The following ZNF786 variants were observed in gnomAD, a reference collection of about 807,000 sequenced individuals.
ZNF786 encodes zinc finger protein 786.
Under a neutral mutation model 63.1 loss-of-function variants are expected in ZNF786, and 56 were observed. That is an observed-to-expected ratio of 0.89 (90% CI 0.72 to 1.11). The LOEUF is 1.11. Among genes scored for constraint, ZNF786 ranks in the 50% least tolerant of loss-of-function variants. The pLI, the probability that ZNF786 is intolerant of heterozygous loss-of-function variation, is 0.00. For synonymous variants in ZNF786, 485 were observed against 406.9 expected (o/e 1.19, Z -2.31); for missense variants, 1,213 against 1,041.8 (o/e 1.16, Z -2.26).
At chr7:149,082,926 C>T (rs1825675948) in intron 1 of ZNF786, among the ~76,000 whole-genome samples, 1 of 150,126 alleles carries the variant, frequency 6.7e-6, no homozygotes, top group African/African-American at 2.5e-5. Context: ...GACGGAGTCT[C>T]ACTCTGTTGC....
At chr7:149,074,645 G>T in intron 2 of ZNF786, 107 bp from the exon 3 acceptor site, 26 of 1,090,526 alleles carry the variant, frequency 2.4e-5, no homozygotes, top group South Asian at 4.3e-5. Flanking sequence ...AGAACAACAT[G>T]TCAAAAAAAA....
intron 2 of ZNF786, among the ~76,000 whole-genome samples, chr7:149,077,602 T>G (rs1264393883): frequency 6.6e-6 from 1 of 152,062 alleles, no homozygotes; most frequent in African/African-American, 2.4e-5. Context: ...CACTCCAGCC[T>G]GGGCGACAGA....
chr7:149,079,648 GC>G (rs1825619010), intron 2 of ZNF786, among the ~76,000 whole-genome samples: 1 of 136,998 alleles, frequency 7.3e-6, no homozygotes, highest in African/African-American at 2.7e-5. Context: ...TCAGCTCACT[GC>G]AACCCCCGCC....
rs551832035 is a variant in ZNF786 at position 149,086,623 on chromosome 7, GTC to G, written c.18+3998_18+3999del. ...AGCGTGGGTGACAGAGCGACACTCT[GTC>G]TCACACACACACACACACACACACA... On this transcript the variant is annotated intron_variant, in intron 1 of 3. Transcript: ENST00000491431. 2.6e-3 allele frequency among the ~76,000 whole-genome samples: 264 copies of G among 102,962 alleles called. 1 individual carries two copies. The highest frequency in any genetic ancestry group is 8.1e-3 in the African/African-American group (241 of 29,642). The allele number at this position is 102,962 out of a possible 152,430, so 67.5% of individuals were successfully genotyped here.
chr7:149,086,006 A>G (rs1825730322), intron 1 of ZNF786, among the ~76,000 whole-genome samples: 1 of 152,224 alleles, frequency 6.6e-6, no homozygotes, highest in Non-Finnish European at 1.5e-5. Context: ...TTTTCTACAT[A>G]TAGAATCATA....
intron 1 of ZNF786, 89 bp downstream of exon 1, chr7:149,090,534 C>T: frequency 7.3e-7 from 1 of 1,370,152 alleles, no homozygotes; most frequent in Non-Finnish European, 9.6e-7. Context: ...CGCGCGCACT[C>T]ACGGGGACCC....
rs1466820637 is a variant in ZNF786, at chr7:149,072,252, G to C, written c.520C>G (p.Pro174Ala). 2.5e-6 allele frequency: 4 copies of C among 1,613,548 alleles called. No individual in the cohort carries two copies. The South Asian group carries it at 3.3e-5, about 13-fold the overall frequency. ...GIPGPRNLDL[P>A]GLWDVPAWES... ...CAGGCGGGGACGTCCCACAAACCAG[G>C]AAGATCCAGATTTCTGGGACCTGGG... Residue 174 changes from proline to alanine, a missense_variant, in exon 4 of 4, where the codon CCT becomes GCT. By Grantham distance (27) the Pro-to-Ala change is conservative. Coordinates refer to ENST00000491431, the MANE Select transcript of ZNF786 (RefSeq NM_152411.4).
intron 2 of ZNF786, among the ~76,000 whole-genome samples, chr7:149,079,910 C>G (rs1260385071): frequency 6.6e-6 from 1 of 150,466 alleles, no homozygotes; most frequent in African/African-American, 2.4e-5. Context: ...CGTAGTGGCT[C>G]ACGCCTGTAA....
rs1825445570 is a variant in ZNF786, at chr7:149,072,359, AG to A, written c.412del (p.Leu138SerfsTer15). On this transcript the variant is annotated frameshift_variant, in exon 4 of 4. Coordinates refer to ENST00000491431, the MANE Select transcript of ZNF786 (RefSeq NM_152411.4). LOFTEE classifies it high-confidence loss of function. ...GGCGTCGTGTCTCTGTGGGCTCCCG[AG>A]GGTGATGCCTTGGTCAGGCCTGAAG... is the stretch of plus-strand genomic sequence containing the variant. ...VSFRPDQGITLGSPQRHDARA... is the reference protein window; with the variant it reads ...VSFRPDQGITXGSPQRHDARA... 1 of 1,613,466 alleles carries A rather than the reference AG, an allele frequency of 6.2e-7. No homozygotes were observed. The highest frequency in any genetic ancestry group is 8.5e-7 in the Non-Finnish European group (1 of 1,179,762).
intron 3 of ZNF786, 109 bp downstream of exon 3, chr7:149,074,277 T>TAA (rs1825501457): frequency 1.6e-6 from 2 of 1,265,700 alleles, no homozygotes; most frequent in Middle Eastern, 1.9e-4. Flanking sequence ...ATCTAGAAGA[T>TAA]AAGAGTCTTC....
intron 2 of ZNF786, among the ~76,000 whole-genome samples, chr7:149,077,355 T>C (rs551875375): frequency 1.4e-4 from 22 of 152,236 alleles, no homozygotes; most frequent in Middle Eastern, 3.4e-3. Flanking sequence ...TGGCCAGGCG[T>C]GGTGACTCAC....
At position 149,071,758 on chromosome 7, in the gene ZNF786, C is replaced by A; in HGVS notation, c.1014G>T (p.Ser338=). ...EGRGASSSVH[S]GQKPGSRLPQ... is the part of the protein sequence containing the mutation. ...GCAGGCGCGAGCCTGGTTTCTGTCC[C>A]GAGTGCACACTGCTGGAGGCCCCGC... Residue 338 remains serine (S), a synonymous_variant, in exon 4 of 4, where the codon TCG becomes TCT. Coordinates refer to ENST00000491431, the MANE Select transcript of ZNF786 (RefSeq NM_152411.4). The A allele has an allele frequency of 1.3e-6, 2 of 1,588,202 alleles. No homozygotes were observed. Among genetic ancestry groups the A allele is most frequent in the Non-Finnish European group, 1.7e-6 (2 of 1,174,248 alleles).
intron 2 of ZNF786, 136 bp downstream of exon 2, chr7:149,080,455 A>G: frequency 1.3e-6 from 1 of 794,078 alleles, no homozygotes; most frequent in Non-Finnish European, 1.8e-6. Flanking sequence ...TATTAACAAT[A>G]GATTGCAGGG....
At position 149,071,719 on chromosome 7, in the gene ZNF786, G is replaced by A. The variant is rs1416722763; in HGVS notation, c.1053C>T (p.Asn351=). ...CCTCCGTGTCCCCTTCCTGGTGGCTGTTCCCCTCCTGGGGCAGGCGCGAGC... is the reference window on the plus strand; with the variant it reads ...CCTCCGTGTCCCCTTCCTGGTGGCTATTCCCCTCCTGGGGCAGGCGCGAGC... ...KPGSRLPQEG[N]SHQEGDTEAL... Residue 351 remains asparagine, a synonymous_variant, in exon 4 of 4, where the codon AAC becomes AAT. Transcript: ENST00000491431. The A allele has an allele frequency of 3.2e-6, 5 of 1,582,778 alleles. No individual in the cohort carries two copies. In the South Asian group the frequency reaches 3.4e-5, roughly 11 times the overall value.
rs768869190 is a variant in ZNF786 at position 149,071,105 on chromosome 7, T to C, written c.1667A>G (p.Gln556Arg). ...CGGCCTCTCCTTGCTGTGCGTGTGCTGGTGGGCCTTCAGGATGCCCTTCAG... is the reference window on the plus strand; with the variant it reads ...CGGCCTCTCCTTGCTGTGCGTGTGCCGGTGGGCCTTCAGGATGCCCTTCAG... ...FRLKGILKAHQHTHSKERPFS... is the reference protein window; with the variant it reads ...FRLKGILKAHRHTHSKERPFS... Residue 556 changes from glutamine to arginine, a missense_variant, in exon 4 of 4, where the codon CAG becomes CGG. Coordinates refer to ENST00000491431, the MANE Select transcript of ZNF786 (RefSeq NM_152411.4). The C allele has an allele frequency of 6.2e-7, 1 of 1,611,050 alleles. No individual in the cohort carries two copies. The highest frequency in any genetic ancestry group is 8.5e-7 in the Non-Finnish European group (1 of 1,178,992).
At chr7:149,088,498 A>C (rs538151812) in intron 1 of ZNF786, among the ~76,000 whole-genome samples, 1 of 152,320 alleles carries the variant, frequency 6.6e-6, no homozygotes, top group East Asian at 1.9e-4. Context: ...TTAGAAATGC[A>C]TATGCTGTAT....
intron 2 of ZNF786, among the ~76,000 whole-genome samples, chr7:149,076,844 C>A (rs1825560518): frequency 6.6e-6 from 1 of 151,776 alleles, no homozygotes; most frequent in African/African-American, 2.4e-5. Flanking sequence ...GTTTGATAGT[C>A]TTGATTATAT....
intron 3 of ZNF786, among the ~76,000 whole-genome samples, chr7:149,073,755 A>G (rs373522909): frequency 0.28 from 20,085 of 70,522 alleles, 2,343 homozygotes; most frequent in Non-Finnish European, 0.32. Flanking sequence ...GTGTATATAT[A>G]TATATATATA....
At position 149,080,733 on chromosome 7, in the gene ZNF786, T is replaced by C. The variant is rs374305113; in HGVS notation, c.19-16A>G. 3.0e-5 allele frequency: 48 copies of C among 1,593,200 alleles called. No homozygotes were observed. Among genetic ancestry groups the C allele is most frequent in the Non-Finnish European group, 3.8e-5 (45 of 1,173,042 alleles). On this transcript the variant is annotated splice_polypyrimidine_tract_variant and intron_variant, in intron 1 of 3. Coordinates refer to ENST00000491431, the MANE Select transcript of ZNF786 (RefSeq NM_152411.4). Reference sequence around the variant, plus strand: ...TCAGAGGTAGCTGAAATTGTAGACATAAGACATATGCATTCATGGTTGCTT... The same window carrying C: ...TCAGAGGTAGCTGAAATTGTAGACACAAGACATATGCATTCATGGTTGCTT...
Sources: allele counts gnomAD v4.1 joint callset (sites outside exome capture counted in the v4.1 genomes callset), GRCh38; gene constraint gnomAD v4.1.1; transcripts MANE v1.5; gene names NCBI Gene and HGNC (gene_info 2026-07-23, HGNC 2026-07-21).